The following NKAIN2 variants were observed in gnomAD, a reference collection of about 807,000 sequenced individuals.
The protein encoded by NKAIN2 is sodium/potassium transporting ATPase interacting 2, also known as sodium/potassium-transporting ATPase subunit beta-1-interacting protein 2.
Under a neutral mutation model 32.6 loss-of-function variants are expected in NKAIN2, and 14 were observed. The ratio of observed to expected loss-of-function variants is 0.43; its 90% confidence interval spans 0.28 to 0.67. The LOEUF is 0.67. Among genes scored for constraint, NKAIN2 ranks in the 30% least tolerant of loss-of-function variants. NKAIN2 has a pLI of 0.17. For missense variants in NKAIN2, 198 were observed against 258.3 expected (o/e 0.77, Z 1.60); for synonymous variants, 80 against 87.2 (o/e 0.92, Z 0.46).
chr6:124,215,317 T>A (rs1046257819), intron 1 of NKAIN2, among the ~76,000 whole-genome samples: 48 of 152,064 alleles, frequency 3.2e-4, no homozygotes, highest in African/African-American at 1.1e-3. Context: ...ATCCAACATC[T>A]CACTTACAAG....
At chr6:124,751,439 G>T (rs1461275637) in intron 4 of NKAIN2, among the ~76,000 whole-genome samples, 1 of 151,992 alleles carries the variant, frequency 6.6e-6, no homozygotes, top group Admixed American at 6.6e-5. Context: ...AACCAGAGGG[G>T]AATGCTAAGG....
chr6:124,431,448 A>G (rs994610617), intron 3 of NKAIN2, among the ~76,000 whole-genome samples: 3 of 152,194 alleles, frequency 2.0e-5, no homozygotes, highest in Non-Finnish European at 4.4e-5. Flanking sequence ...TGATACCATT[A>G]CAAATGTCTG....
At chr6:124,291,187 C>T (rs1163630211) in intron 2 of NKAIN2, among the ~76,000 whole-genome samples, 1 of 152,044 alleles carries the variant, frequency 6.6e-6, no homozygotes, top group Non-Finnish European at 1.5e-5. Flanking sequence ...TTTCTTAGAA[C>T]ACTGAAGTAA....
At chr6:124,413,390 A>T (rs1022769279) in intron 3 of NKAIN2, among the ~76,000 whole-genome samples, 1 of 152,276 alleles carries the variant, frequency 6.6e-6, no homozygotes, top group African/African-American at 2.4e-5. Flanking sequence ...TCCATTGTCT[A>T]TATATGTGTA....
At chr6:124,771,139 A>G (rs1226082328) in intron 4 of NKAIN2, among the ~76,000 whole-genome samples, 3 of 152,216 alleles carry the variant, frequency 2.0e-5, no homozygotes, top group Non-Finnish European at 4.4e-5. Context: ...TAACATAAAT[A>G]GGTGTATTGC....
intron 3 of NKAIN2, among the ~76,000 whole-genome samples, chr6:124,624,744 C>T (rs1038927429): frequency 2.6e-5 from 4 of 152,128 alleles, no homozygotes; most frequent in African/African-American, 9.7e-5. Flanking sequence ...AGATTAAATA[C>T]TCTAACACAA....
chr6:123,818,354 AACACACACACACACACACAC>A (rs36066775), intron 1 of NKAIN2, among the ~76,000 whole-genome samples: 37 of 144,620 alleles, frequency 2.6e-4, no homozygotes, highest in Middle Eastern at 3.5e-3. Flanking sequence ...TTCTTGTGGA[AACACACACACACACACACAC>A]ACACACACAC....
intron 3 of NKAIN2, among the ~76,000 whole-genome samples, chr6:124,406,747 T>C (rs1447825163): frequency 1.3e-5 from 2 of 152,136 alleles, no homozygotes; most frequent in Non-Finnish European, 2.9e-5. Flanking sequence ...CAAAATTTGT[T>C]GTTTTTTTAT....
intron 3 of NKAIN2, among the ~76,000 whole-genome samples, chr6:124,528,446 G>A (rs2114814630): frequency 6.6e-6 from 1 of 152,328 alleles, no homozygotes. Flanking sequence ...TTGCAGAAAT[G>A]TGTTAAGTAT....
At chr6:124,694,419 A>G (rs1005816620) in intron 4 of NKAIN2, among the ~76,000 whole-genome samples, 2 of 152,222 alleles carry the variant, frequency 1.3e-5, no homozygotes, top group African/African-American at 4.8e-5. Flanking sequence ...ACCAATTGGA[A>G]CCGGCAGGAG....
chr6:124,446,314 T>C (rs1314093847), intron 3 of NKAIN2, among the ~76,000 whole-genome samples: 1 of 147,686 alleles, frequency 6.8e-6, no homozygotes, highest in Non-Finnish European at 1.5e-5. Context: ...CACAAAACTT[T>C]ATAATTGCAA....
intron 4 of NKAIN2, among the ~76,000 whole-genome samples, chr6:124,659,501 ATG>A (rs3050769): frequency 4.0e-5 from 6 of 150,430 alleles, no homozygotes; most frequent in Admixed American, 6.6e-5. Flanking sequence ...GTGTGTGCTT[ATG>A]TGTGTGTGTG....
At chr6:124,808,176 A>T (rs1780687163) in intron 5 of NKAIN2, among the ~76,000 whole-genome samples, 1 of 151,982 alleles carries the variant, frequency 6.6e-6, no homozygotes, top group Non-Finnish European at 1.5e-5. Flanking sequence ...GCAGAGACAC[A>T]ACCAAAAAAG....
intron 1 of NKAIN2, among the ~76,000 whole-genome samples, chr6:124,028,311 A>G (rs1490792495): frequency 6.7e-6 from 1 of 149,026 alleles, no homozygotes; most frequent in East Asian, 2.0e-4. Flanking sequence ...TCTAACTCTG[A>G]ATGAGGAGTG....
At chr6:124,639,547 T>G (rs754136372) in intron 3 of NKAIN2, among the ~76,000 whole-genome samples, 1 of 151,996 alleles carries the variant, frequency 6.6e-6, no homozygotes, top group Non-Finnish European at 1.5e-5. Flanking sequence ...GACAGGAGAA[T>G]TGCTTGAACC....
At chr6:124,253,100 T>C (rs1249487500) in intron 1 of NKAIN2, among the ~76,000 whole-genome samples, 1 of 152,238 alleles carries the variant, frequency 6.6e-6, no homozygotes, top group East Asian at 1.9e-4. Context: ...GAATTGATAT[T>C]TTTACAATAT....
intron 1 of NKAIN2, among the ~76,000 whole-genome samples, chr6:123,812,817 C>T (rs1773532422): frequency 6.6e-6 from 1 of 152,158 alleles, no homozygotes; most frequent in Non-Finnish European, 1.5e-5. Context: ...CATTTAAAAC[C>T]CCCAACAATG....
chr6:124,506,516 G>A lies in NKAIN2; in HGVS notation c.273+151169G>A, dbSNP rs796542468. On this transcript the variant is annotated intron_variant, in intron 3 of 6. Transcript: ENST00000368417. The stretch of plus-strand genomic sequence containing the variant: ...AATTTGCCAGAATGGCCCCAATTGA[G>A]GTTTTCATACCTTCCTCCTCTCCCA... Among the ~76,000 whole-genome samples the A allele has an allele frequency of 5.3e-5, 8 of 152,282 alleles. No homozygotes were observed. The South Asian group carries it at 1.4e-3, about 28-fold the overall frequency.
At chr6:124,348,164 G>A (rs982047369) in intron 2 of NKAIN2, among the ~76,000 whole-genome samples, 3 of 152,124 alleles carry the variant, frequency 2.0e-5, no homozygotes, top group Non-Finnish European at 2.9e-5. Flanking sequence ...TTCGTGATCC[G>A]CGAATGCTGC....
Sources: gnomAD v4.1 joint callset for allele counts (sites outside exome capture counted in the v4.1 genomes callset) on GRCh38, gnomAD v4.1.1 for gene constraint, MANE v1.5 for transcripts, NCBI Gene and HGNC (gene_info 2026-07-23, HGNC 2026-07-21) for gene names.